NOL4: variants seen among roughly 807,000 people sequenced by gnomAD.
The protein encoded by NOL4 is cancer/testis antigen 125.
NOL4 carries 17 observed loss-of-function variants against 75.9 expected under a neutral mutation model. The ratio of observed to expected loss-of-function variants is 0.22; its 90% CI spans 0.15 to 0.34. The LOEUF is 0.34. NOL4 is among the 10% of genes least tolerant of loss of function. NOL4 has a pLI of 1.00. For missense variants in NOL4, 614 were observed against 793.5 expected (o/e 0.77, Z 2.72); for synonymous variants, 292 against 289.9 (o/e 1.01, Z -0.07).
At chr18:34,165,023 T>A (rs1271713163) in intron 1 of NOL4, among the ~76,000 whole-genome samples, 1 of 145,540 alleles carries the variant, frequency 6.9e-6, no homozygotes, top group Non-Finnish European at 1.5e-5. Flanking sequence ...TTCTCACTCA[T>A]AGGTGGGAAT....
At chr18:33,953,119 C>T (rs983496450) in intron 8 of NOL4, among the ~76,000 whole-genome samples, 10 of 151,614 alleles carry the variant, frequency 6.6e-5, no homozygotes, top group African/African-American at 1.9e-4. Context: ...GGGAAAGCCA[C>T]TTTAAAATCT....
intron 5 of NOL4, among the ~76,000 whole-genome samples, chr18:34,059,116 G>GATATAT (rs1600432980): frequency 1.2e-5 from 1 of 80,932 alleles, no homozygotes; most frequent in African/African-American, 4.3e-5. Flanking sequence ...GAGATAGATA[G>GATATAT]ATATACATAT....
rs533674546 is a variant in NOL4 at position 33,961,315 on chromosome 18, T to C, written c.1057-2897A>G. Among the ~76,000 whole-genome samples the C allele has an allele frequency of 1.7e-3, 257 of 151,998 alleles. 3 individuals are homozygous for C. The highest frequency in any genetic ancestry group is 6.0e-3 in the African/African-American group (249 of 41,476). ...CGGATTGTTCTTCACAGTGTGTGTG[T>C]AGGGTGGGTGAGGGGAGGGCCTAAG... On this transcript the variant is annotated intron_variant, in intron 6 of 10. Coordinates refer to ENST00000261592, the MANE Select transcript of NOL4 (RefSeq NM_003787.5).
At chr18:33,982,159 AG>A (rs1409270384) in intron 6 of NOL4, among the ~76,000 whole-genome samples, 3 of 152,128 alleles carry the variant, frequency 2.0e-5, no homozygotes, top group African/African-American at 4.8e-5. Flanking sequence ...CAAAGAACAA[AG>A]GCAATGAATA....
intron 1 of NOL4, among the ~76,000 whole-genome samples, 192 bp from the exon 2 acceptor site, chr18:34,130,212 G>A (rs2080575826): frequency 6.6e-6 from 1 of 151,988 alleles, no homozygotes; most frequent in Non-Finnish European, 1.5e-5. Flanking sequence ...AAAAACATGA[G>A]AGAAGACATT....
At chr18:33,924,060 C>T (rs2145313317) in intron 9 of NOL4, among the ~76,000 whole-genome samples, 1 of 152,270 alleles carries the variant, frequency 6.6e-6, no homozygotes, top group East Asian at 1.9e-4. Context: ...AAATCATACA[C>T]ACACTTGTAT....
chr18:34,038,509 G>A (rs2076008895), intron 5 of NOL4, among the ~76,000 whole-genome samples: 1 of 151,968 alleles, frequency 6.6e-6, no homozygotes, highest in South Asian at 2.1e-4. Context: ...AAACAAATGG[G>A]CAAAGAAAAT....
chr18:34,186,570 C>T (rs1215550101), intron 1 of NOL4, among the ~76,000 whole-genome samples: 2 of 152,134 alleles, frequency 1.3e-5, no homozygotes, highest in Non-Finnish European at 2.9e-5. Flanking sequence ...CTCTGCTTTT[C>T]GGTCCAATGA....
chr18:33,907,323 C>T (rs961931719), intron 9 of NOL4, among the ~76,000 whole-genome samples: 7 of 79,700 alleles, frequency 8.8e-5, no homozygotes, highest in South Asian at 4.4e-4. Flanking sequence ...GACTCCATTT[C>T]AAAAAAAAAA....
chr18:33,873,368 G>A (rs1352062635), intron 10 of NOL4, among the ~76,000 whole-genome samples: 1 of 151,952 alleles, frequency 6.6e-6, no homozygotes, highest in Non-Finnish European at 1.5e-5. Context: ...AAGCTATTAA[G>A]AGTGTAAGCT....
intron 5 of NOL4, among the ~76,000 whole-genome samples, chr18:34,054,607 T>C (rs2076757270): frequency 6.6e-6 from 1 of 151,984 alleles, no homozygotes; most frequent in Non-Finnish European, 1.5e-5. Flanking sequence ...ACATCTAATG[T>C]TAGTCTAGTA....
intron 9 of NOL4, among the ~76,000 whole-genome samples, chr18:33,925,510 T>A (rs893618664): frequency 6.6e-6 from 1 of 152,186 alleles, no homozygotes; most frequent in Admixed American, 6.5e-5. Context: ...TTCATTGGAC[T>A]TCTCAAATTT....
At chr18:34,194,772 C>T (rs2035200164) in intron 1 of NOL4, among the ~76,000 whole-genome samples, 1 of 152,112 alleles carries the variant, frequency 6.6e-6, no homozygotes, top group East Asian at 1.9e-4. Flanking sequence ...CGCATGTAAT[C>T]CCTGCACTTT....
intron 1 of NOL4, among the ~76,000 whole-genome samples, chr18:34,182,609 A>G (rs2034129445): frequency 6.6e-6 from 1 of 151,758 alleles, no homozygotes; most frequent in African/African-American, 2.4e-5. Context: ...ATAGTTTCAT[A>G]TCTTCACTAA....
At chr18:34,027,391 G>A (rs1388229974) in intron 5 of NOL4, among the ~76,000 whole-genome samples, 1 of 152,158 alleles carries the variant, frequency 6.6e-6, no homozygotes, top group Non-Finnish European at 1.5e-5. Context: ...AATGTCTGGA[G>A]GTACTGAAGT....
chr18:34,075,354 T>C (rs926189850), intron 5 of NOL4, among the ~76,000 whole-genome samples: 21 of 152,116 alleles, frequency 1.4e-4, no homozygotes, highest in African/African-American at 4.6e-4. Flanking sequence ...CCTTTGTGGG[T>C]GTGTGTGAGA....
At chr18:34,209,291 T>A (rs1467461317) in intron 1 of NOL4, among the ~76,000 whole-genome samples, 7 of 152,028 alleles carry the variant, frequency 4.6e-5, no homozygotes, top group Non-Finnish European at 7.4e-5. Context: ...TTGTAAAGGC[T>A]TATTATGTAG....
At chr18:34,006,222 T>G (rs1057101589) in intron 6 of NOL4, among the ~76,000 whole-genome samples, 2 of 152,102 alleles carry the variant, frequency 1.3e-5, no homozygotes, top group African/African-American at 4.8e-5. Flanking sequence ...ATTAAATTAT[T>G]TCAGCATTCT....
chr18:34,137,745 C>T lies in NOL4; in HGVS notation c.265-7725G>A, dbSNP rs144080329. Among the ~76,000 whole-genome samples, 14 of 148,324 alleles carry T rather than the reference C, an allele frequency of 9.4e-5. No individual in the cohort carries two copies. In the East Asian group the frequency reaches 2.4e-3, roughly 26 times the overall value. On this transcript the variant is annotated intron_variant, in intron 1 of 10. Coordinates refer to ENST00000261592, the MANE Select transcript of NOL4 (RefSeq NM_003787.5). Reference sequence around the variant, plus strand: ...AAAAGTTAAACATAGACTTACCAGACGACTTGGTAAGCCAAAATCATGTAT... The same window carrying T: ...AAAAGTTAAACATAGACTTACCAGATGACTTGGTAAGCCAAAATCATGTAT...
Sources: gnomAD v4.1 joint callset for allele counts (sites outside exome capture counted in the v4.1 genomes callset) on GRCh38, gnomAD v4.1.1 for gene constraint, MANE v1.5 for transcripts, NCBI Gene and HGNC (gene_info 2026-07-23, HGNC 2026-07-21) for gene names.